LDB2: variants seen among roughly 807,000 people sequenced by gnomAD.
LDB2 encodes LIM domain binding 2, also known as LIM domain-binding protein 2.
A neutral mutation model predicts 44.3 loss-of-function variants in LDB2; 12 were observed. The ratio of observed to expected loss-of-function variants is 0.27; its 90% CI spans 0.17 to 0.44. The LOEUF (loss-of-function observed/expected upper bound fraction) is 0.44. Ranked by LOEUF, LDB2 falls within the 20% of genes least tolerant of loss-of-function variation. The pLI is 1.00. For missense variants in LDB2, 344 were observed against 473.5 expected (o/e 0.73, Z 2.54); for synonymous variants, 164 against 174.8 (o/e 0.94, Z 0.49).
chr4:16,752,060 G>A (rs982904300), intron 2 of LDB2, among the ~76,000 whole-genome samples: 1 of 152,180 alleles, frequency 6.6e-6, no homozygotes, highest in Non-Finnish European at 1.5e-5. Context: ...GCATGGTCCA[G>A]GGTCATCTGA....
chr4:16,559,809 G>T (rs1741350595), intron 5 of LDB2, among the ~76,000 whole-genome samples: 1 of 152,068 alleles, frequency 6.6e-6, no homozygotes, highest in Non-Finnish European at 1.5e-5. Context: ...TGACCACATA[G>T]TTGGAAGTAA....
At chr4:16,574,645 A>G (rs536525538) in intron 5 of LDB2, among the ~76,000 whole-genome samples, 1 of 152,322 alleles carries the variant, frequency 6.6e-6, no homozygotes, top group Non-Finnish European at 1.5e-5. Context: ...GTGCTGAGAA[A>G]TTAAGGCAAC....
At chr4:16,880,876 C>T (rs921897666) in intron 1 of LDB2, among the ~76,000 whole-genome samples, 1 of 136,278 alleles carries the variant, frequency 7.3e-6, no homozygotes, top group Non-Finnish European at 1.5e-5. Context: ...TGCACTCCAG[C>T]GTGGGTGAGA....
chr4:16,555,484 C>T (rs1380208503), intron 5 of LDB2, among the ~76,000 whole-genome samples: 3 of 152,176 alleles, frequency 2.0e-5, no homozygotes, highest in African/African-American at 2.4e-5. Flanking sequence ...CATGTGCTTG[C>T]ATGCACATAC....
intron 1 of LDB2, among the ~76,000 whole-genome samples, chr4:16,772,804 G>A (rs985115320): frequency 5.9e-5 from 9 of 152,080 alleles, no homozygotes; most frequent in Non-Finnish European, 8.8e-5. Flanking sequence ...TATGTCCACC[G>A]GAAAGAAAAC....
chr4:16,893,852 C>G (rs1724141755), intron 1 of LDB2, among the ~76,000 whole-genome samples: 1 of 151,888 alleles, frequency 6.6e-6, no homozygotes, highest in African/African-American at 2.4e-5. Flanking sequence ...AATATCTTCA[C>G]TTAAATGCAG....
At chr4:16,889,288 T>C (rs574523983) in intron 1 of LDB2, 1 of 152,300 alleles carries the variant, frequency 6.6e-6, no homozygotes, top group Admixed American at 6.5e-5. Context: ...TCATGATTCA[T>C]ACCGTAATTC....
chr4:16,867,402 G>C (rs1260208335), intron 1 of LDB2, among the ~76,000 whole-genome samples: 2 of 152,126 alleles, frequency 1.3e-5, no homozygotes, highest in Admixed American at 6.6e-5. Flanking sequence ...CCTGCTCAGG[G>C]CACTAGAAAT....
chr4:16,570,675 G>A (rs1009047), intron 5 of LDB2, among the ~76,000 whole-genome samples: 8,498 of 151,708 alleles, frequency 0.056, 319 homozygotes, highest in East Asian at 0.21. Context: ...CTAATCAGGA[G>A]AGACTTCTTG....
In LDB2 at chr4:16,574,590, T is replaced by G. The variant is rs1315882027; in HGVS notation, c.615+11332A>C. Among the ~76,000 whole-genome samples, 5 of 152,346 alleles carry G rather than the reference T, an allele frequency of 3.3e-5. No individual in the cohort carries two copies. The East Asian group carries it at 9.6e-4, about 29-fold the overall frequency. The stretch of plus-strand genomic sequence containing the variant: ...ATTTTCACCCTCAACCTGTAGTTAC[T>G]GTGATTCAGAATGGACATAATTATT... On this transcript the variant is annotated intron_variant, in intron 5 of 7. Transcript: ENST00000304523.
At chr4:16,784,911 C>T (rs1278120137) in intron 1 of LDB2, among the ~76,000 whole-genome samples, 3 of 152,056 alleles carry the variant, frequency 2.0e-5, no homozygotes, top group Non-Finnish European at 4.4e-5. Flanking sequence ...TGTAGACTGT[C>T]GACACCCCTT....
intron 2 of LDB2, among the ~76,000 whole-genome samples, chr4:16,624,066 C>T (rs1192784366): frequency 6.6e-6 from 1 of 152,154 alleles, no homozygotes; most frequent in Non-Finnish European, 1.5e-5. Context: ...ATTGTTATTA[C>T]AAATTATGTT....
intron 2 of LDB2, among the ~76,000 whole-genome samples, chr4:16,669,409 C>A (rs1419214382): frequency 6.6e-6 from 1 of 152,148 alleles, no homozygotes; most frequent in African/African-American, 2.4e-5. Context: ...AGCCAGGCCA[C>A]ATGGCTGATT....
At chr4:16,559,706 C>T (rs1425857261) in intron 5 of LDB2, among the ~76,000 whole-genome samples, 1 of 152,166 alleles carries the variant, frequency 6.6e-6, no homozygotes, top group South Asian at 2.1e-4. Flanking sequence ...CAGCTCTGCA[C>T]CAAGCGGACC....
chr4:16,603,345 A>T (rs1345107353), intron 2 of LDB2, among the ~76,000 whole-genome samples: 2 of 152,184 alleles, frequency 1.3e-5, no homozygotes, highest in African/African-American at 4.8e-5. Context: ...TCAGAGAAAG[A>T]CCTGAGCTAA....
intron 2 of LDB2, among the ~76,000 whole-genome samples, chr4:16,684,844 T>C (rs1480242514): frequency 2.6e-5 from 4 of 152,212 alleles, no homozygotes; most frequent in Non-Finnish European, 5.9e-5. Flanking sequence ...AGGGACCATA[T>C]AGTAAATGTT....
chr4:16,719,635 T>A (rs533380208), intron 2 of LDB2, among the ~76,000 whole-genome samples: 2 of 152,192 alleles, frequency 1.3e-5, no homozygotes, highest in East Asian at 3.9e-4. Context: ...TCCCCGAAAG[T>A]TCATGTGTTG....
intron 2 of LDB2, among the ~76,000 whole-genome samples, chr4:16,623,369 G>A (rs992327187): frequency 3.9e-5 from 6 of 152,092 alleles, no homozygotes; most frequent in Non-Finnish European, 8.8e-5. Context: ...AGACCGAGGC[G>A]GGCGGATTAC....
intron 2 of LDB2, among the ~76,000 whole-genome samples, chr4:16,742,579 T>G (rs1434832466): frequency 6.6e-6 from 1 of 152,164 alleles, no homozygotes; most frequent in African/African-American, 2.4e-5. Context: ...TTCAAGGTCC[T>G]GAAGGGTGAC....
Sources: gnomAD v4.1 joint callset for allele counts (sites outside exome capture counted in the v4.1 genomes callset) on GRCh38, gnomAD v4.1.1 for gene constraint, MANE v1.5 for transcripts, NCBI Gene and HGNC (gene_info 2026-07-23, HGNC 2026-07-21) for gene names.